Variants in MAST3 observed in about 807,000 individuals in gnomAD.
The protein encoded by MAST3 is microtubule associated serine/threonine kinase 3, also known as microtubule-associated serine/threonine-protein kinase 3.
MAST3 carries 43 observed loss-of-function variants against 127.0 expected under a neutral mutation model. That is an observed-to-expected ratio of 0.34 (90% CI 0.27 to 0.44). The LOEUF is 0.44. Ranked by LOEUF, MAST3 falls within the 20% of genes least tolerant of loss-of-function variation. MAST3 has a pLI of 1.00. For synonymous variants in MAST3, 785 were observed against 809.2 expected (o/e 0.97, Z 0.51); for missense variants, 1,390 against 1,919.1 (o/e 0.72, Z 5.15).
At chr19:18,106,540 C>CTTATTTATTTAT (rs143547108) in intron 1 of MAST3, among the ~76,000 whole-genome samples, 3 of 136,012 alleles carry the variant, frequency 2.2e-5, no homozygotes, top group East Asian at 2.1e-4. Context: ...CTTGGCCCTT[C>CTTATTTATTTAT]TTATTTATTT....
At chr19:18,108,650 G>A (rs2038257670) in intron 2 of MAST3, among the ~76,000 whole-genome samples, 2 of 152,196 alleles carry the variant, frequency 1.3e-5, no homozygotes, top group African/African-American at 4.8e-5. Context: ...TTACAGGCAT[G>A]AGCCACCATG....
chr19:18,119,398 G>A (rs952667417), intron 3 of MAST3, among the ~76,000 whole-genome samples: 2 of 152,192 alleles, frequency 1.3e-5, no homozygotes, highest in African/African-American at 4.8e-5. Context: ...TGCATTGAGG[G>A]GTTGGCAGGA....
Position 18,145,034 on chromosome 19 carries a change from C to T in MAST3, c.2844C>T (p.Pro948=). 2 of 1,609,022 alleles carry T rather than the reference C, an allele frequency of 1.2e-6. No individual in the cohort carries two copies. Among genetic ancestry groups the T allele is most frequent in the Non-Finnish European group, 1.7e-6 (2 of 1,179,290 alleles). The change falls in exon 24 of 28, where the codon CCC becomes CCT. Residue 948 remains proline, a synonymous_variant. Transcript: ENST00000687212. The surrounding 1 kb of genome is among the most constrained non-coding windows in gnomAD (Gnocchi z 5.9). The stretch of plus-strand genomic sequence containing the variant: ...GCAGCGGCGGCCCCCTCATGAGCCC[C>T]CTTTCCCCGCGCTCTCTGTCCTCGA... ...DDGSGGPLMS[P]LSPRSLSSNP...
chr19:18,145,719 C>T lies in MAST3; in HGVS notation c.3040-24C>T, dbSNP rs766140809. On this transcript the variant is annotated intron_variant, in intron 24 of 27. Transcript: ENST00000687212. This position sits in a 1 kb window ranked among gnomAD's most constrained non-coding sequence, Gnocchi z 5.9. ...CAGATGTGGGGCCCAGGCCATTGAC[C>T]CCACCGTTCTCGTCTGCCCCCAGAG... The T allele has an allele frequency of 4.5e-6, 7 of 1,556,906 alleles. No homozygotes were observed. Among genetic ancestry groups the T allele is most frequent in the Non-Finnish European group, 6.0e-6 (7 of 1,157,406 alleles).
At chr19:18,113,791 T>A (rs2038919944) in intron 3 of MAST3, among the ~76,000 whole-genome samples, 1 of 152,184 alleles carries the variant, frequency 6.6e-6, no homozygotes. Context: ...AGAGACAGGG[T>A]TTCACCATGT....
chr19:18,123,851 C>T, intron 8 of MAST3, 88 bp from the exon 9 acceptor site: 5 of 1,303,728 alleles, frequency 3.8e-6, no homozygotes, highest in Non-Finnish European at 5.3e-6. Context: ...CATCTCCTCT[C>T]TCCCCAACCA....
rs2040001428 is a variant in MAST3 at position 18,121,713 on chromosome 19, G to A, written c.190G>A (p.Val64Met). 6.2e-7 allele frequency: 1 copy of A among 1,613,848 alleles called. No homozygotes were observed. Among genetic ancestry groups the A allele is most frequent in the Non-Finnish European group, 8.5e-7 (1 of 1,179,884 alleles). Reference sequence around the variant, plus strand: ...CCGCAGCGGGAACCGCAAGAGCTTGGTGGTAGGAACGCCCTCCCCGACCCT... The same window carrying A: ...CCGCAGCGGGAACCGCAAGAGCTTGATGGTAGGAACGCCCTCCCCGACCCT... ...SCRSGNRKSLVVGTPSPTLSR... is the reference protein window; with the variant it reads ...SCRSGNRKSLMVGTPSPTLSR... Residue 64 changes from valine (V) to methionine (M), a missense_variant, in exon 4 of 28, where the codon GTG (valine) becomes ATG (methionine). Coordinates refer to ENST00000687212, the MANE Select transcript of MAST3 (RefSeq NM_001393504.1).
chr19:18,124,657 G>A lies in MAST3; in HGVS notation c.961G>A (p.Glu321Lys). The change falls in exon 11 of 28, where the codon GAA becomes AAA. Residue 321 changes from glutamate (E) to lysine (K), a missense_variant. Physicochemically the swap from Glu to Lys is moderately conservative, Grantham distance 56. Transcript: ENST00000687212. Reference sequence around the variant, plus strand: ...GTGCCCCTAGGAGTTTGACCCTGAGGAATTTTACCACCTGCTGGAGGCGGC... The same window carrying A: ...GTGCCCCTAGGAGTTTGACCCTGAGAAATTTTACCACCTGCTGGAGGCGGC... ...LLECLEFDPE[E>K]FYHLLEAAEG... 1 of 1,596,476 alleles carries A rather than the reference G, an allele frequency of 6.3e-7. No homozygotes were observed.
At chr19:18,100,128 C>CTCTTTTTTTTTTTTTTT (rs776661078) in intron 1 of MAST3, among the ~76,000 whole-genome samples, 4 of 121,712 alleles carry the variant, frequency 3.3e-5, no homozygotes, top group East Asian at 2.6e-4. Context: ...CTCTCTCTCT[C>CTCTTTTTTTTTTTTTTT]TTTTTTTTTT....
At chr19:18,143,259 C>G (rs1392660221) in intron 21 of MAST3, among the ~76,000 whole-genome samples, 1 of 152,026 alleles carries the variant, frequency 6.6e-6, no homozygotes, top group African/African-American at 2.4e-5. Context: ...CCACTGCACC[C>G]AGCCTGGAAG....
chr19:18,102,732 G>A (rs1194698737), intron 1 of MAST3, among the ~76,000 whole-genome samples: 1 of 151,788 alleles, frequency 6.6e-6, no homozygotes, highest in African/African-American at 2.4e-5. Flanking sequence ...CGCCCACCTT[G>A]GCCTCCCAGC....
chr19:18,129,398 A>AG (rs561334650), intron 13 of MAST3: 3 of 167,938 alleles, frequency 1.8e-5, no homozygotes, highest in South Asian at 2.6e-4. Context: ...GGGATCAGAG[A>AG]GGGGGCTTAC....
rs545758194 is a variant in MAST3 at position 18,126,952 on chromosome 19, T to C, written c.1079-1448T>C. The stretch of plus-strand genomic sequence containing the variant: ...CCCGCCACCACGCCCGGCTAATTTT[T>C]TGTATTTTTAGTAGAGGCGGGGTTT... On this transcript the variant is annotated intron_variant, in intron 11 of 27. Transcript: ENST00000687212. Among the ~76,000 whole-genome samples the C allele has an allele frequency of 2.1e-3, 312 of 151,902 alleles. 1 individual carries two copies. The highest frequency in any genetic ancestry group is 0.017 in the Middle Eastern group (5 of 294).
chr19:18,144,817 C>A lies in MAST3; in HGVS notation c.2812+124C>A. 2 of 1,098,344 alleles carry A rather than the reference C, an allele frequency of 1.8e-6. No homozygotes were observed. The highest frequency in any genetic ancestry group is 2.7e-6 in the Non-Finnish European group (2 of 742,008). The allele number at this position is 1,098,344 out of a possible 1,614,324, so 68.0% of individuals were successfully genotyped here. ...AGAAGAGGGGAGGAGGAGTAGGACA[C>A]ATGGAGAGCTGGGGAGATGGTGTTC... On this transcript the variant is annotated intron_variant, in intron 23 of 27. Coordinates refer to ENST00000687212, the MANE Select transcript of MAST3 (RefSeq NM_001393504.1). This position sits in a 1 kb window ranked among gnomAD's most constrained non-coding sequence, Gnocchi z 4.0.
chr19:18,148,762 A>G (rs273278), intron 27 of MAST3, among the ~76,000 whole-genome samples: 146,263 of 152,254 alleles, frequency 0.96, 70,283 homozygotes, highest in African/African-American at 0.99. Context: ...AATTAGCCAG[A>G]TGTGGTGGCA....
chr19:18,132,338 T>G (rs934134111), intron 15 of MAST3, among the ~76,000 whole-genome samples: 1 of 152,174 alleles, frequency 6.6e-6, no homozygotes, highest in African/African-American at 2.4e-5. Flanking sequence ...GGAGAGGATG[T>G]GCACTTAGGA....
At chr19:18,119,817 T>C (rs1475149072) in intron 3 of MAST3, among the ~76,000 whole-genome samples, 2 of 152,206 alleles carry the variant, frequency 1.3e-5, no homozygotes, top group Non-Finnish European at 2.9e-5. Flanking sequence ...TTGATGATCA[T>C]ACGCTTGTTC....
rs779950064 is a variant in MAST3 at position 18,137,318 on chromosome 19, C to T, written c.2052C>T (p.Phe684=). 8.1e-6 allele frequency: 13 copies of T among 1,613,824 alleles called. No homozygotes were observed. Among genetic ancestry groups the T allele is most frequent in the African/African-American group, 2.7e-5 (2 of 75,052 alleles). ...GGCTTCTCCGACACAAAGCCGAGTT[C>T]GTGCCCCAGCTCGAAGCTGAGGATG... is the stretch of plus-strand genomic sequence containing the variant. ...WAGLLRHKAE[F]VPQLEAEDDT... is the part of the protein sequence containing the mutation. The change falls in exon 19 of 28, where the codon TTC becomes TTT. Residue 684 remains phenylalanine (F), a synonymous_variant. Coordinates refer to ENST00000687212, the MANE Select transcript of MAST3 (RefSeq NM_001393504.1).
At chr19:18,099,551 G>A (rs1393684215) in intron 1 of MAST3, among the ~76,000 whole-genome samples, 1 of 152,190 alleles carries the variant, frequency 6.6e-6, no homozygotes, top group Non-Finnish European at 1.5e-5. Flanking sequence ...TACAAAAGGG[G>A]AAACTGAGGT....
Sources: gnomAD v4.1 joint callset for allele counts (sites outside exome capture counted in the v4.1 genomes callset) on GRCh38, gnomAD v4.1.1 for gene constraint, Gnocchi (gnomAD v3.1) non-coding constraint, MANE v1.5 for transcripts, NCBI Gene and HGNC (gene_info 2026-07-23, HGNC 2026-07-21) for gene names.